Variants in SRD5A2 observed in about 807,000 individuals in gnomAD.
SRD5A2 encodes the protein 3-oxo-5-alpha-steroid 4-dehydrogenase 2.
A neutral mutation model predicts 27.4 loss-of-function variants in SRD5A2; 30 were observed. The ratio of observed to expected loss-of-function variants is 1.10; its 90% CI spans 0.82 to 1.49. The LOEUF is 1.49. Among genes scored for constraint, SRD5A2 ranks in the 40% most tolerant of loss-of-function variants. The pLI is 0.00. For synonymous variants in SRD5A2, 141 were observed against 133.6 expected (o/e 1.06, Z -0.38); for missense variants, 348 against 323.4 (o/e 1.08, Z -0.58).
At chr2:31,580,583 T>C in intron 1 of SRD5A2, 37 bp downstream of exon 1, 1 of 1,480,786 alleles carries the variant, frequency 6.8e-7, no homozygotes. Flanking sequence ...AGCAGGGCAG[T>C]GCGCTGCACT....
chr2:31,608,244 T>C, the SRD5A2 span, among the ~76,000 whole-genome samples: 1 of 152,038 alleles, frequency 6.6e-6, no homozygotes, highest in Non-Finnish European at 1.5e-5. Flanking sequence ...ATGAATTTAC[T>C]AAGTGGTAAG....
chr2:31,549,081 A>AATTATTATTATTATTATT (rs71405576), intron 1 of SRD5A2, among the ~76,000 whole-genome samples: 5 of 131,378 alleles, frequency 3.8e-5, no homozygotes, highest in East Asian at 2.2e-4. Flanking sequence ...AAGTAGAGGG[A>AATTATTATTATTATTATT]ATTATTATTA....
intron 1 of SRD5A2, among the ~76,000 whole-genome samples, chr2:31,544,928 C>T (rs1666213295): frequency 6.6e-6 from 1 of 151,428 alleles, no homozygotes; most frequent in South Asian, 2.1e-4. Flanking sequence ...ACAATTGTAC[C>T]CCCCAAAATT....
chr2:31,629,997 G>A, the SRD5A2 span, among the ~76,000 whole-genome samples: 2 of 152,182 alleles, frequency 1.3e-5, no homozygotes, highest in Non-Finnish European at 2.9e-5. Flanking sequence ...TGTCCCTGGT[G>A]TCCCTCTCAA....
At chr2:31,541,437 TA>T (rs1303148326) in intron 1 of SRD5A2, among the ~76,000 whole-genome samples, 13 of 151,188 alleles carry the variant, frequency 8.6e-5, no homozygotes, top group Admixed American at 3.3e-4. Flanking sequence ...GAAAAAGACC[TA>T]ACAGCAGATC....
the SRD5A2 span, among the ~76,000 whole-genome samples, chr2:31,624,019 G>C: frequency 6.6e-6 from 1 of 151,956 alleles, no homozygotes; most frequent in South Asian, 2.1e-4. Flanking sequence ...ATTTTATTGA[G>C]GATTTTTGCA....
the SRD5A2 span, among the ~76,000 whole-genome samples, chr2:31,633,471 C>T: frequency 6.6e-6 from 1 of 152,114 alleles, no homozygotes; most frequent in Non-Finnish European, 1.5e-5. Flanking sequence ...TATCTTTAAC[C>T]TCCTTGCTAA....
chr2:31,524,479 G>A lies in SRD5A2; in HGVS notation c.*1717C>T. On this transcript the variant is annotated 3_prime_UTR_variant, in exon 5 of 5. Transcript: ENST00000622030. ...GAAAGGAAACGACACTACAGACAGG[G>A]TGAATGGGAATGAGGGACAGGCGGG... 1 of 230,050 alleles carries A rather than the reference G, an allele frequency of 4.3e-6. No individual in the cohort carries two copies. The highest frequency in any genetic ancestry group is 8.6e-6 in the Non-Finnish European group (1 of 116,068). 14.3% of individuals were successfully genotyped at this position (230,050 alleles called of 1,614,324 possible). A position where few individuals can be genotyped will look rare whatever the true frequency, so the allele number is the denominator to read the frequency against.
the SRD5A2 span, among the ~76,000 whole-genome samples, chr2:31,613,515 C>CA: frequency 6.6e-6 from 1 of 152,022 alleles, no homozygotes; most frequent in Non-Finnish European, 1.5e-5. Flanking sequence ...CAAATGATAA[C>CA]AAATGTTGAA....
At chr2:31,589,444 CCTT>C in the SRD5A2 span, among the ~76,000 whole-genome samples, 7 of 152,378 alleles carry the variant, frequency 4.6e-5, no homozygotes, top group Admixed American at 2.6e-4. Flanking sequence ...CCCAGGTCCT[CCTT>C]CTCCCCTCTG....
chr2:31,633,030 G>T, the SRD5A2 span, among the ~76,000 whole-genome samples: 1 of 152,016 alleles, frequency 6.6e-6, no homozygotes, highest in Non-Finnish European at 1.5e-5. Context: ...CACTGCCGGG[G>T]TCAGGAGAAA....
chr2:31,604,636 T>C, the SRD5A2 span, among the ~76,000 whole-genome samples: 23 of 151,536 alleles, frequency 1.5e-4, no homozygotes, highest in Admixed American at 6.6e-4. Flanking sequence ...CCACAAAACA[T>C]TGATGAAAGA....
the SRD5A2 span, among the ~76,000 whole-genome samples, chr2:31,647,276 C>G: frequency 6.6e-6 from 1 of 152,168 alleles, no homozygotes; most frequent in African/African-American, 2.4e-5. Context: ...ACTGTGTAAT[C>G]TGATTCAGTG....
At chr2:31,537,712 C>G (rs953244558) in intron 1 of SRD5A2, among the ~76,000 whole-genome samples, 1 of 152,152 alleles carries the variant, frequency 6.6e-6, no homozygotes, top group Non-Finnish European at 1.5e-5. Flanking sequence ...TTCATATAAT[C>G]TGAATGTGTT....
chr2:31,606,675 T>C, the SRD5A2 span, among the ~76,000 whole-genome samples: 2 of 151,910 alleles, frequency 1.3e-5, no homozygotes, highest in African/African-American at 4.8e-5. Flanking sequence ...CTGAACTCAG[T>C]CTCTAGCCAC....
At chr2:31,533,498 T>C (rs2148066699) in intron 2 of SRD5A2, 105 bp downstream of exon 2, 3 of 1,038,494 alleles carry the variant, frequency 2.9e-6, no homozygotes, top group Non-Finnish European at 4.3e-6. Flanking sequence ...GAGGGGAAGA[T>C]GGGATCATTA....
chr2:31,656,939 C>T, the SRD5A2 span, among the ~76,000 whole-genome samples: 1 of 152,106 alleles, frequency 6.6e-6, no homozygotes, highest in South Asian at 2.1e-4. Context: ...GATCCAAATT[C>T]AAAAACATTT....
chr2:31,595,962 C>T, the SRD5A2 span, among the ~76,000 whole-genome samples: 1 of 152,138 alleles, frequency 6.6e-6, no homozygotes, highest in Non-Finnish European at 1.5e-5. Flanking sequence ...ATCATATTAT[C>T]ATCTCAAGAG....
At chr2:31,586,581 A>T in the SRD5A2 span, among the ~76,000 whole-genome samples, 1 of 152,102 alleles carries the variant, frequency 6.6e-6, no homozygotes, top group Non-Finnish European at 1.5e-5. Context: ...AGAAGTAAGG[A>T]AAGAAAATAA....
Sources: allele counts gnomAD v4.1 joint callset (sites outside exome capture counted in the v4.1 genomes callset), GRCh38; gene constraint gnomAD v4.1.1; transcripts MANE v1.5; gene names NCBI Gene and HGNC (gene_info 2026-07-23, HGNC 2026-07-21).